Variants in SBF2 observed in about 807,000 individuals in gnomAD.
SBF2 encodes the protein myotubularin-related protein 13.
SBF2 carries 112 observed loss-of-function variants against 225.2 expected under a neutral mutation model. The ratio of observed to expected loss-of-function variants is 0.50; its 90% CI spans 0.43 to 0.58. The LOEUF (loss-of-function observed/expected upper bound fraction) is 0.58, where lower values mean the gene tolerates loss of function less well. Ranked by LOEUF, SBF2 falls within the 20% of genes least tolerant of loss-of-function variation. The pLI, the probability that SBF2 is intolerant of heterozygous loss-of-function variation, is 0.00. For missense variants in SBF2, 1,996 were observed against 2,206.2 expected (o/e 0.90, Z 1.91); for synonymous variants, 763 against 773.3 (o/e 0.99, Z 0.22).
intron 24 of SBF2, among the ~76,000 whole-genome samples, chr11:9,843,413 T>G (rs1856306981): frequency 6.6e-6 from 1 of 152,198 alleles, no homozygotes; most frequent in South Asian, 2.1e-4. Flanking sequence ...TCAGCTTTAA[T>G]TAAAGGGAAA....
intron 13 of SBF2, among the ~76,000 whole-genome samples, chr11:9,982,847 C>T (rs1046385741): frequency 4.6e-5 from 7 of 152,144 alleles, no homozygotes; most frequent in East Asian, 1.9e-4. Flanking sequence ...GAGAAGTTTC[C>T]GACTTTACCT....
rs1947473590 is a variant in SBF2, at chr11:9,992,289, A to G, written c.1296+126T>C. The G allele has an allele frequency of 4.2e-6, 3 of 715,010 alleles. No homozygotes were observed. In the East Asian group the frequency reaches 9.1e-5, roughly 22 times the overall value. The allele number at this position is 715,010 out of a possible 1,614,324, so 44.3% of individuals were successfully genotyped here. A position where few individuals can be genotyped will look rare whatever the true frequency, so the allele number is the denominator to read the frequency against. On this transcript the variant is annotated intron_variant, in intron 12 of 39. Transcript: ENST00000256190. ...TCGAGATTTGATAAGCATAATAAAT[A>G]ACATTGGGATTATTTAATACCTAAT...
chr11:9,876,917 T>G (rs1450082284), intron 17 of SBF2, among the ~76,000 whole-genome samples: 2 of 152,128 alleles, frequency 1.3e-5, no homozygotes, highest in Non-Finnish European at 2.9e-5. Flanking sequence ...TTTTGTATTT[T>G]TAGTAAAGAC....
chr11:9,976,439 C>A (rs1201422792), intron 13 of SBF2, among the ~76,000 whole-genome samples: 1 of 152,038 alleles, frequency 6.6e-6, no homozygotes, highest in Non-Finnish European at 1.5e-5. Context: ...TTTTCTAAAA[C>A]TGTCAGACAA....
At chr11:10,211,701 T>C (rs557016602) in intron 1 of SBF2, among the ~76,000 whole-genome samples, 5 of 152,294 alleles carry the variant, frequency 3.3e-5, no homozygotes, top group African/African-American at 1.2e-4. Flanking sequence ...GACTAAATGA[T>C]GGCACAGAGC....
chr11:9,838,853 C>G (rs893942598), intron 26 of SBF2: 9 of 154,022 alleles, frequency 5.8e-5, no homozygotes. Context: ...TGGAATAAGA[C>G]TCAACATATT....
At chr11:10,077,379 A>C (rs963937845) in intron 2 of SBF2, among the ~76,000 whole-genome samples, 3 of 152,218 alleles carry the variant, frequency 2.0e-5, no homozygotes, top group African/African-American at 7.2e-5. Flanking sequence ...AGCTGGAGGC[A>C]TCATGCTACC....
chr11:9,938,935 A>G, intron 16 of SBF2, among the ~76,000 whole-genome samples: 1 of 152,240 alleles, frequency 6.6e-6, no homozygotes, highest in African/African-American at 2.4e-5. Flanking sequence ...TGTATTTGGG[A>G]AAAAATTGTA....
intron 1 of SBF2, among the ~76,000 whole-genome samples, chr11:10,200,813 G>T (rs952757626): frequency 5.9e-5 from 9 of 151,964 alleles, no homozygotes; most frequent in African/African-American, 2.2e-4. Context: ...CAAAAATGGA[G>T]AACATGGAAA....
chr11:9,804,405 G>GACTT (rs1377779840), intron 32 of SBF2, among the ~76,000 whole-genome samples: 1 of 152,112 alleles, frequency 6.6e-6, no homozygotes, highest in South Asian at 2.1e-4. Flanking sequence ...TGAGATGTTG[G>GACTT]ACTTACTAAT....
At chr11:10,021,275 A>C (rs187253255) in intron 6 of SBF2, among the ~76,000 whole-genome samples, 1 of 152,198 alleles carries the variant, frequency 6.6e-6, no homozygotes, top group African/African-American at 2.4e-5. Context: ...TGGGGCAGGG[A>C]GGGACACCCA....
chr11:9,874,082 T>C (rs1326315559), intron 17 of SBF2, among the ~76,000 whole-genome samples: 1 of 152,130 alleles, frequency 6.6e-6, no homozygotes, highest in Non-Finnish European at 1.5e-5. Context: ...AGCATATTTC[T>C]TTCCTTGTGT....
At chr11:10,031,721 T>C (rs182983053) in intron 3 of SBF2, among the ~76,000 whole-genome samples, 1 of 152,276 alleles carries the variant, frequency 6.6e-6, no homozygotes, top group African/African-American at 2.4e-5. Flanking sequence ...TAAGCAACAA[T>C]GCTGATATTT....
chr11:9,818,919 A>T, intron 28 of SBF2, among the ~76,000 whole-genome samples: 1 of 150,932 alleles, frequency 6.6e-6, no homozygotes, highest in Non-Finnish European at 1.5e-5. Flanking sequence ...ATGGGGTTTC[A>T]CCATCTTGGT....
intron 1 of SBF2, among the ~76,000 whole-genome samples, chr11:10,292,141 G>C (rs139540196): frequency 4.1e-3 from 624 of 152,328 alleles, no homozygotes; most frequent in Admixed American, 6.5e-3. Flanking sequence ...CCAGTAAAGA[G>C]ATTACTAGCA....
chr11:9,908,129 T>C (rs1000861249), intron 16 of SBF2, among the ~76,000 whole-genome samples: 5 of 152,210 alleles, frequency 3.3e-5, no homozygotes, highest in Non-Finnish European at 7.3e-5. Context: ...TCAAGAGAGT[T>C]TGAAACTATA....
At chr11:10,041,908 GA>G (rs975769195) in intron 3 of SBF2, among the ~76,000 whole-genome samples, 2 of 150,204 alleles carry the variant, frequency 1.3e-5, no homozygotes, top group African/African-American at 4.9e-5. Flanking sequence ...AGCCTGGAAA[GA>G]AAAACCACCA....
chr11:9,821,446 C>T (rs1854748508), intron 28 of SBF2, among the ~76,000 whole-genome samples: 1 of 152,154 alleles, frequency 6.6e-6, no homozygotes, highest in Admixed American at 6.5e-5. Context: ...ATAAAATGGC[C>T]AGTACTGATA....
intron 2 of SBF2, among the ~76,000 whole-genome samples, chr11:10,112,072 G>A (rs1203987690): frequency 2.0e-5 from 3 of 152,170 alleles, no homozygotes; most frequent in Non-Finnish European, 2.9e-5. Flanking sequence ...ATCAAAGTAT[G>A]AATAAGACCA....
Sources: allele counts gnomAD v4.1 joint callset (sites outside exome capture counted in the v4.1 genomes callset), GRCh38; gene constraint gnomAD v4.1.1; transcripts MANE v1.5; gene names NCBI Gene and HGNC (gene_info 2026-07-23, HGNC 2026-07-21).